The following PINX1 variants were observed in gnomAD, a reference collection of about 807,000 sequenced individuals.
PINX1 encodes PIN2/TERF1-interacting telomerase inhibitor 1.
Under a neutral mutation model 25.4 loss-of-function variants are expected in PINX1, and 34 were observed. The observed-to-expected ratio is 1.34, with a 90% CI of 1.02 to 1.78. The LOEUF (loss-of-function observed/expected upper bound fraction) is 1.78, where lower values mean the gene tolerates loss of function less well. PINX1 is among the 40% of genes most tolerant of loss of function. The pLI is 0.00. For synonymous variants in PINX1, 197 were observed against 147.7 expected (o/e 1.33, Z -2.42); for missense variants, 592 against 404.9 (o/e 1.46, Z -3.97).
At chr8:10,827,254 C>T (rs1357076195) in intron 4 of PINX1, among the ~76,000 whole-genome samples, 2 of 152,092 alleles carry the variant, frequency 1.3e-5, no homozygotes, top group Non-Finnish European at 1.5e-5. Context: ...TCAGAGATGA[C>T]GATTAGGTGA....
At chr8:10,801,854 C>G (rs537033020) in intron 6 of PINX1, among the ~76,000 whole-genome samples, 2 of 152,276 alleles carry the variant, frequency 1.3e-5, no homozygotes, top group South Asian at 4.1e-4. Context: ...ATAAAGGAAC[C>G]TCCATCGCTG....
intron 6 of PINX1, among the ~76,000 whole-genome samples, chr8:10,783,590 C>T (rs957822852): frequency 6.6e-6 from 1 of 152,212 alleles, no homozygotes; most frequent in Non-Finnish European, 1.5e-5. Context: ...TCTGGCACAG[C>T]ACTCAAGGCC....
chr8:10,766,049 G>A (rs968041166), intron 6 of PINX1, 133 bp from the exon 7 acceptor site: 3 of 799,270 alleles, frequency 3.8e-6, no homozygotes, highest in Non-Finnish European at 6.1e-6. Context: ...CCCACACCCG[G>A]CACTTAGGAG....
chr8:10,787,871 A>G (rs78365320), intron 6 of PINX1: 9,292 of 454,644 alleles, frequency 0.02, 487 homozygotes, highest in African/African-American at 0.13. Flanking sequence ...TTGGTTAAGA[A>G]AGTCTGAAAG....
At chr8:10,803,570 T>C (rs955980469) in intron 6 of PINX1, among the ~76,000 whole-genome samples, 2 of 152,388 alleles carry the variant, frequency 1.3e-5, no homozygotes, top group South Asian at 2.1e-4. Context: ...TTCTGGATTT[T>C]TGTTTGTTTC....
intron 6 of PINX1, chr8:10,771,363 T>G (rs116015442): frequency 6.6e-6 from 1 of 152,242 alleles, no homozygotes; most frequent in Non-Finnish European, 1.5e-5. Flanking sequence ...CACAGTCCCG[T>G]GCATCACTTT....
intron 6 of PINX1, among the ~76,000 whole-genome samples, chr8:10,793,945 AAAT>A (rs1405314743): frequency 6.6e-6 from 1 of 152,248 alleles, no homozygotes; most frequent in East Asian, 1.9e-4. Context: ...AGAGGCGACA[AAAT>A]AATTCCACTG....
At chr8:10,799,399 G>A (rs1313869739) in intron 6 of PINX1, among the ~76,000 whole-genome samples, 2 of 152,174 alleles carry the variant, frequency 1.3e-5, no homozygotes, top group African/African-American at 4.8e-5. Context: ...AGTTGCTGGG[G>A]AAATGATGGG....
intron 6 of PINX1, among the ~76,000 whole-genome samples, chr8:10,773,447 C>A (rs1441343902): frequency 6.6e-6 from 1 of 152,102 alleles, no homozygotes. Flanking sequence ...TCTCAGCAAC[C>A]CAGTAAGTAT....
Position 10,780,590 on chromosome 8 carries a change from G to A in PINX1, c.472-14674C>T, listed in dbSNP as rs565869714. ...AAAACCTAGCTGAAAAAGAAACCAA[G>A]AAAACAATCCCATTTATGGTACCAT... is the stretch of plus-strand genomic sequence containing the variant. On this transcript the variant is annotated intron_variant, in intron 6 of 6. Transcript: ENST00000314787. Among the ~76,000 whole-genome samples the A allele has an allele frequency of 9.6e-4, 143 of 148,788 alleles. 3 individuals carry two copies. The highest frequency in any genetic ancestry group is 7.9e-4 in the East Asian group (4 of 5,092).
chr8:10,835,838 A>G (rs1798389010), intron 1 of PINX1, among the ~76,000 whole-genome samples: 1 of 152,214 alleles, frequency 6.6e-6, no homozygotes. Context: ...AATTAAGGGA[A>G]CTGCTTTGAA....
intron 6 of PINX1, among the ~76,000 whole-genome samples, chr8:10,790,667 A>G (rs1391727800): frequency 6.6e-6 from 1 of 152,130 alleles, no homozygotes; most frequent in African/African-American, 2.4e-5. Flanking sequence ...GCTGAGGCTC[A>G]GGCTCGGGCT....
rs748591470 is a variant in PINX1, at chr8:10,839,740, T to G, written c.17A>C (p.Glu6Ala). 2 of 1,605,670 alleles carry G rather than the reference T, an allele frequency of 1.2e-6. No homozygotes were observed. Among genetic ancestry groups the G allele is most frequent in the East Asian group, 4.5e-5 (2 of 44,482 alleles). MSMLA[E>A]RRRKQKWAVD... ...GGGCCTCCGCTTCCGACACTCACGTTCAGCCAGCATAGACATGTCGGAGAG... is the reference window on the plus strand; with the variant it reads ...GGGCCTCCGCTTCCGACACTCACGTGCAGCCAGCATAGACATGTCGGAGAG... The change falls in exon 1 of 7, where the codon GAA becomes GCA. Residue 6 changes from glutamate to alanine, a missense_variant and splice_region_variant. Transcript: ENST00000314787.
chr8:10,778,224 A>G lies in PINX1; in HGVS notation c.472-12308T>C, dbSNP rs958526187. ...CTCAGTTATTGATAATGAACTCATGAAAGTTCAGGTTGAGTATCCCTTATT... is the reference window on the plus strand; with the variant it reads ...CTCAGTTATTGATAATGAACTCATGGAAGTTCAGGTTGAGTATCCCTTATT... On this transcript the variant is annotated intron_variant, in intron 6 of 6. Coordinates refer to ENST00000314787, the MANE Select transcript of PINX1 (RefSeq NM_017884.6). 5.9e-5 allele frequency among the ~76,000 whole-genome samples: 9 copies of G among 152,186 alleles called. No homozygotes were observed. The South Asian group carries it at 8.3e-4, about 14-fold the overall frequency.
rs569805641 is a variant in PINX1 at position 10,804,064 on chromosome 8, C to T, written c.471+16129G>A. 2.2e-4 allele frequency among the ~76,000 whole-genome samples: 34 copies of T among 152,298 alleles called. No individual in the cohort carries two copies. The East Asian group carries it at 6.6e-3, about 29-fold the overall frequency. ...AACTACTAACGACCCTGAGCCAGGG[C>T]CTATGAAAGTACAAAGCCATGGCCT... On this transcript the variant is annotated intron_variant, in intron 6 of 6. Transcript: ENST00000314787.
chr8:10,814,398 C>G (rs1008203906), intron 6 of PINX1, among the ~76,000 whole-genome samples: 12 of 152,164 alleles, frequency 7.9e-5, no homozygotes, highest in Non-Finnish European at 1.3e-4. Flanking sequence ...AAATACGAAG[C>G]ACCAATGAAG....
At chr8:10,819,085 T>C (rs779509386) in intron 6 of PINX1, among the ~76,000 whole-genome samples, 2 of 152,334 alleles carry the variant, frequency 1.3e-5, no homozygotes, top group East Asian at 1.9e-4. Flanking sequence ...TGACTCAGCA[T>C]AGTCCGCGCA....
At chr8:10,836,346 T>A (rs1396250005) in intron 1 of PINX1, among the ~76,000 whole-genome samples, 1 of 152,174 alleles carries the variant, frequency 6.6e-6, no homozygotes, top group Admixed American at 6.5e-5. Flanking sequence ...TCTTGGCAAA[T>A]ACTCAGCATA....
intron 6 of PINX1, among the ~76,000 whole-genome samples, chr8:10,794,002 A>G (rs553546455): frequency 6.6e-6 from 1 of 152,374 alleles, no homozygotes; most frequent in South Asian, 2.1e-4. Context: ...TTTGTGTGAG[A>G]AGATAACTAC....
Sources: allele counts gnomAD v4.1 joint callset (sites outside exome capture counted in the v4.1 genomes callset), GRCh38; gene constraint gnomAD v4.1.1; transcripts MANE v1.5; gene names NCBI Gene and HGNC (gene_info 2026-07-23, HGNC 2026-07-21).